UNC5C: variants seen among roughly 807,000 people sequenced by gnomAD.
UNC5C encodes the protein netrin receptor UNC5C.
In UNC5C, 47 loss-of-function variants were observed where a neutral mutation model predicts 99.8. The ratio of observed to expected loss-of-function variants is 0.47; its 90% CI spans 0.37 to 0.60. The LOEUF is 0.60. UNC5C is among the 20% of genes least tolerant of loss of function. UNC5C has a pLI of 0.00. For missense variants in UNC5C, 1,062 were observed against 1,165.9 expected, an observed-to-expected ratio of 0.91 and a Z score of 1.30; for synonymous variants, 487 against 452.2, an observed-to-expected ratio of 1.08 and a Z score of -0.98.
At chr4:95,317,047 A>G (rs1487531743) in intron 2 of UNC5C, among the ~76,000 whole-genome samples, 1 of 152,102 alleles carries the variant, frequency 6.6e-6, no homozygotes, top group Non-Finnish European at 1.5e-5. Flanking sequence ...ATGGGACCAC[A>G]TATAACCTTG....
intron 4 of UNC5C, among the ~76,000 whole-genome samples, chr4:95,264,120 C>T (rs545499327): frequency 3.9e-5 from 6 of 152,126 alleles, no homozygotes; most frequent in Admixed American, 3.9e-4. Flanking sequence ...GGTGAGGATG[C>T]TGAGCAACAG....
At chr4:95,336,589 G>T (rs1743358453) in intron 1 of UNC5C, among the ~76,000 whole-genome samples, 1 of 151,880 alleles carries the variant, frequency 6.6e-6, no homozygotes, top group Admixed American at 6.6e-5. Context: ...CCCTGTGTTG[G>T]AAGATAGCCA....
intron 14 of UNC5C, among the ~76,000 whole-genome samples, chr4:95,174,760 T>C (rs545447711): frequency 0.029 from 4,331 of 146,936 alleles, 95 homozygotes; most frequent in Non-Finnish European, 0.047. Context: ...CTATTAGGTC[T>C]GCTTGGTGCA....
chr4:95,278,076 T>TTG (rs1233137298), intron 4 of UNC5C, among the ~76,000 whole-genome samples, 183 bp downstream of exon 4: 2 of 152,252 alleles, frequency 1.3e-5, no homozygotes, highest in Non-Finnish European at 2.9e-5. Flanking sequence ...GGCATTCTAA[T>TTG]TGACTCCCAA....
intron 1 of UNC5C, among the ~76,000 whole-genome samples, chr4:95,446,350 G>T (rs974481636): frequency 6.6e-6 from 1 of 152,138 alleles, no homozygotes; most frequent in Non-Finnish European, 1.5e-5. Context: ...CATTCCATAT[G>T]GTGATAGACT....
intron 12 of UNC5C, 96 bp downstream of exon 12, chr4:95,202,635 G>A: frequency 8.3e-7 from 1 of 1,198,750 alleles, no homozygotes; most frequent in Non-Finnish European, 1.2e-6. Context: ...ACACTTGGGT[G>A]CACACACACA....
chr4:95,485,578 A>G (rs1721303364), intron 1 of UNC5C, among the ~76,000 whole-genome samples: 2 of 151,790 alleles, frequency 1.3e-5, no homozygotes, highest in Non-Finnish European at 2.9e-5. Flanking sequence ...CGAACACCTT[A>G]TATTTGCTCT....
chr4:95,484,180 T>A (rs1272099492), intron 1 of UNC5C, among the ~76,000 whole-genome samples: 6 of 151,820 alleles, frequency 4.0e-5, no homozygotes, highest in African/African-American at 1.4e-4. Flanking sequence ...ATGAGCCACA[T>A]GGGTGGGTGT....
chr4:95,410,813 G>A (rs757386966), intron 1 of UNC5C, among the ~76,000 whole-genome samples: 42 of 152,200 alleles, frequency 2.8e-4, no homozygotes, highest in Non-Finnish European at 5.0e-4. Context: ...CACCCTGCTC[G>A]CCCAGTGTAC....
In UNC5C at chr4:95,505,042, A is replaced by T. The variant is rs138011687; in HGVS notation, c.124+43692T>A. 4.6e-3 allele frequency among the ~76,000 whole-genome samples: 693 copies of T among 152,220 alleles called. 4 individuals are homozygous for T. The highest frequency in any genetic ancestry group is 0.016 in the African/African-American group (660 of 41,558). On this transcript the variant is annotated intron_variant, in intron 1 of 15. Transcript: ENST00000453304. ...AATCTCTTACTAAATAAAAATGACAACGCTATATATGACAGGGGCTCAAAG... is the reference window on the plus strand; with the variant it reads ...AATCTCTTACTAAATAAAAATGACATCGCTATATATGACAGGGGCTCAAAG...
At chr4:95,394,734 G>T (rs74368289) in intron 1 of UNC5C, among the ~76,000 whole-genome samples, 1,731 of 149,596 alleles carry the variant, frequency 0.012, 33 homozygotes, top group African/African-American at 0.041. Flanking sequence ...TTCTTGCATT[G>T]TTTGCTAGAA....
chr4:95,540,361 G>T (rs10030865), intron 1 of UNC5C, among the ~76,000 whole-genome samples: 152,098 of 152,244 alleles, frequency 1, 75,976 homozygotes, highest in East Asian at 1. Flanking sequence ...TGAACATGTC[G>T]GTTTTTCCTC....
In UNC5C at chr4:95,506,498, A is replaced by T. The variant is rs186746164; in HGVS notation, c.124+42236T>A. Among the ~76,000 whole-genome samples, 35 of 152,134 alleles carry T rather than the reference A, an allele frequency of 2.3e-4. No individual in the cohort carries two copies. The East Asian group carries it at 6.0e-3, about 26-fold the overall frequency. ...GGTAGTAATTTATCCTGTCACTCACATATTTAAAAGTTGCTATTTTGAATG... is the reference window on the plus strand; with the variant it reads ...GGTAGTAATTTATCCTGTCACTCACTTATTTAAAAGTTGCTATTTTGAATG... On this transcript the variant is annotated intron_variant, in intron 1 of 15. Coordinates refer to ENST00000453304, the MANE Select transcript of UNC5C (RefSeq NM_003728.4).
intron 12 of UNC5C, among the ~76,000 whole-genome samples, chr4:95,189,561 G>A (rs1277960330): frequency 2.6e-5 from 4 of 152,156 alleles, no homozygotes; most frequent in Non-Finnish European, 4.4e-5. Flanking sequence ...GCAACCTACA[G>A]AATGGGAGAA....
At chr4:95,457,204 C>T (rs1389125707) in intron 1 of UNC5C, among the ~76,000 whole-genome samples, 1 of 151,994 alleles carries the variant, frequency 6.6e-6, no homozygotes, top group African/African-American at 2.4e-5. Context: ...TTAGCAATAT[C>T]CCTATTTCCT....
intron 1 of UNC5C, among the ~76,000 whole-genome samples, chr4:95,485,392 G>T (rs1166209969): frequency 6.6e-6 from 1 of 151,792 alleles, no homozygotes; most frequent in Admixed American, 6.6e-5. Flanking sequence ...GTAGTAAAGA[G>T]AAAATGATCT....
chr4:95,447,105 T>C (rs1181990447), intron 1 of UNC5C, among the ~76,000 whole-genome samples: 1 of 152,236 alleles, frequency 6.6e-6, no homozygotes, highest in African/African-American at 2.4e-5. Context: ...AATGTTGTAT[T>C]TTATCTAGAT....
At chr4:95,256,694 A>AT (rs1287255613) in intron 4 of UNC5C, among the ~76,000 whole-genome samples, 3 of 123,318 alleles carry the variant, frequency 2.4e-5, no homozygotes, top group African/African-American at 1.1e-4. Flanking sequence ...GGACAGAACT[A>AT]AATAAATATA....
rs147759336 is a variant in UNC5C, at chr4:95,487,637, A to C, written c.124+61097T>G. Among the ~76,000 whole-genome samples the C allele has an allele frequency of 2.4e-3, 362 of 151,852 alleles. 1 individual carries two copies. Among genetic ancestry groups the C allele is most frequent in the African/African-American group, 8.4e-3 (350 of 41,500 alleles). On this transcript the variant is annotated intron_variant, in intron 1 of 15. Transcript: ENST00000453304. ...ACCAAAAAGTTTTTCATTTTGAGCA[A>C]GAAACTACAAATGTGAAGTTATTAG...
Sources: gnomAD v4.1 joint callset for allele counts (sites outside exome capture counted in the v4.1 genomes callset) on GRCh38, gnomAD v4.1.1 for gene constraint, MANE v1.5 for transcripts, NCBI Gene and HGNC (gene_info 2026-07-23, HGNC 2026-07-21) for gene names.